Variants in MAML2 observed in about 807,000 individuals in gnomAD.
MAML2 encodes mastermind like transcriptional coactivator 2, also known as mastermind-like protein 2.
In MAML2, 22 loss-of-function variants were observed where a neutral mutation model predicts 96.1. That is an observed-to-expected ratio of 0.23 (90% CI 0.16 to 0.33). The LOEUF (loss-of-function observed/expected upper bound fraction) is 0.33, where lower values mean the gene tolerates loss of function less well. MAML2 is among the 10% of genes least tolerant of loss of function. The pLI is 1.00. For synonymous variants in MAML2, 561 were observed against 521.3 expected, an observed-to-expected ratio of 1.08 and a Z score of -1.04; for missense variants, 1,367 against 1,392.4, an observed-to-expected ratio of 0.98 and a Z score of 0.29.
intron 1 of MAML2, among the ~76,000 whole-genome samples, chr11:96,238,489 G>GTC (rs1373026133): frequency 2.0e-5 from 3 of 152,216 alleles, no homozygotes; most frequent in Admixed American, 2.0e-4. Flanking sequence ...AAACTTTGCT[G>GTC]TCTCTACTGC....
chr11:96,171,251 C>G (rs947740197), intron 1 of MAML2, among the ~76,000 whole-genome samples: 7 of 152,116 alleles, frequency 4.6e-5, no homozygotes, highest in African/African-American at 1.7e-4. Flanking sequence ...TCTTCATTGT[C>G]TGCGATTATT....
chr11:96,122,074 T>A (rs1198321902), intron 1 of MAML2, among the ~76,000 whole-genome samples: 1 of 146,312 alleles, frequency 6.8e-6, no homozygotes, highest in African/African-American at 2.5e-5. Context: ...CCTCCCAAAG[T>A]GCTCGGATTA....
chr11:96,313,926 T>C lies in MAML2; in HGVS notation c.513+27457A>G, dbSNP rs182176517. Reference sequence around the variant, plus strand: ...TATCAAGCACTCCAGGTGGTTCTGATGCCAGGTGAATCAGGTGATTTAAGT... The same window carrying C: ...TATCAAGCACTCCAGGTGGTTCTGACGCCAGGTGAATCAGGTGATTTAAGT... On this transcript the variant is annotated intron_variant, in intron 1 of 4. Coordinates refer to ENST00000524717, the MANE Select transcript of MAML2 (RefSeq NM_032427.4). Among the ~76,000 whole-genome samples the C allele has an allele frequency of 1.6e-3, 239 of 152,360 alleles. 1 individual carries two copies. The highest frequency in any genetic ancestry group is 5.5e-3 in the African/African-American group (229 of 41,588).
intron 2 of MAML2, among the ~76,000 whole-genome samples, chr11:96,084,754 A>G (rs1859581372): frequency 6.6e-6 from 1 of 152,228 alleles, no homozygotes; most frequent in African/African-American, 2.4e-5. Context: ...GCCAAAGACC[A>G]GAAAGTGCGA....
At chr11:95,996,172 A>G (rs928985578) in intron 2 of MAML2, among the ~76,000 whole-genome samples, 2 of 152,114 alleles carry the variant, frequency 1.3e-5, no homozygotes, top group African/African-American at 4.8e-5. Context: ...CTGAATGTCT[A>G]CTCTGTGCTA....
At chr11:96,094,948 T>G (rs1003523434) in intron 1 of MAML2, among the ~76,000 whole-genome samples, 3 of 152,214 alleles carry the variant, frequency 2.0e-5, no homozygotes, top group African/African-American at 7.2e-5. Context: ...TGAGTATATA[T>G]TACATATCAA....
chr11:96,015,616 G>T (rs1858337565), intron 2 of MAML2, among the ~76,000 whole-genome samples: 1 of 141,984 alleles, frequency 7.0e-6, no homozygotes, highest in African/African-American at 2.6e-5. Context: ...AGACATATTA[G>T]TGATGACCCA....
rs371588893 is a variant in MAML2, at chr11:95,998,137, T to A, written c.2140-6414A>T. 4.5e-4 allele frequency among the ~76,000 whole-genome samples: 57 copies of A among 125,970 alleles called. No individual in the cohort carries two copies. The East Asian group carries it at 5.2e-3, about 11-fold the overall frequency. The allele number at this position is 125,970 out of a possible 152,430, so 82.6% of individuals were successfully genotyped here. On this transcript the variant is annotated intron_variant, in intron 2 of 4. Transcript: ENST00000524717. The stretch of plus-strand genomic sequence containing the variant: ...TTTTCTATCTATCTGTCTGTCTGTC[T>A]GTCAGTCTGTCTGTCTGTCTGTCTG...
At chr11:96,007,290 C>G (rs528264853) in intron 2 of MAML2, among the ~76,000 whole-genome samples, 1 of 151,596 alleles carries the variant, frequency 6.6e-6, no homozygotes, top group Non-Finnish European at 1.5e-5. Flanking sequence ...GGATTACAGG[C>G]GTGAGCCACC....
intron 1 of MAML2, among the ~76,000 whole-genome samples, chr11:96,315,091 C>G (rs1263355032): frequency 6.6e-6 from 1 of 152,176 alleles, no homozygotes; most frequent in Non-Finnish European, 1.5e-5. Context: ...ACAACCTGGG[C>G]TGTTTTCCTT....
At chr11:96,290,610 T>C (rs1332052856) in intron 1 of MAML2, among the ~76,000 whole-genome samples, 2 of 152,166 alleles carry the variant, frequency 1.3e-5, no homozygotes, top group Admixed American at 6.6e-5. Context: ...TCCTTACAAA[T>C]CCTAATGAGA....
chr11:95,994,996 C>G (rs962212348), intron 2 of MAML2, among the ~76,000 whole-genome samples: 2 of 152,208 alleles, frequency 1.3e-5, no homozygotes, highest in Admixed American at 6.5e-5. Flanking sequence ...GAAATAATAA[C>G]AGTATGGATG....
chr11:96,071,366 G>A (rs1859341896), intron 2 of MAML2, among the ~76,000 whole-genome samples: 1 of 152,248 alleles, frequency 6.6e-6, no homozygotes. Context: ...AGAGCTGTGT[G>A]GAAAATGAAA....
chr11:96,176,788 C>T (rs985685456), intron 1 of MAML2, among the ~76,000 whole-genome samples: 1 of 152,114 alleles, frequency 6.6e-6, no homozygotes, highest in Non-Finnish European at 1.5e-5. Context: ...ATGTCAGGCA[C>T]TTTAATCTTT....
chr11:96,290,050 C>T (rs485842), intron 1 of MAML2, among the ~76,000 whole-genome samples: 40,150 of 151,998 alleles, frequency 0.26, 5,403 homozygotes, highest in East Asian at 0.32. Flanking sequence ...CTTTGTTAGC[C>T]GTTGGCAGAG....
chr11:96,180,910 G>T (rs1360400861), intron 1 of MAML2, among the ~76,000 whole-genome samples: 1 of 151,598 alleles, frequency 6.6e-6, no homozygotes, highest in Non-Finnish European at 1.5e-5. Context: ...AGTCAAAGGG[G>T]GTTTGTTCTC....
At chr11:96,033,654 G>A (rs546218490) in intron 2 of MAML2, among the ~76,000 whole-genome samples, 1 of 152,302 alleles carries the variant, frequency 6.6e-6, no homozygotes, top group Admixed American at 6.5e-5. Context: ...ATTGACTCTT[G>A]GGGTGAAAGT....
At position 96,163,070 on chromosome 11, in the gene MAML2, T is replaced by C. The variant is rs148186541; in HGVS notation, c.514-69553A>G. ...AAGACTTCATTACTCACATTACTCC[T>C]ATGCCAAGCAAACTTCACGGGCTTC... On this transcript the variant is annotated intron_variant, in intron 1 of 4. Transcript: ENST00000524717. Among the ~76,000 whole-genome samples, 228 of 152,338 alleles carry C rather than the reference T, an allele frequency of 1.5e-3. 1 individual carries two copies. The highest frequency in any genetic ancestry group is 6.8e-3 in the Middle Eastern group (2 of 294).
intron 1 of MAML2, among the ~76,000 whole-genome samples, chr11:96,189,879 T>C (rs1413738152): frequency 6.6e-6 from 1 of 152,214 alleles, no homozygotes; most frequent in Admixed American, 6.5e-5. Flanking sequence ...TTCTAAAATA[T>C]TGAAGAGGAC....
Sources: allele counts gnomAD v4.1 joint callset (sites outside exome capture counted in the v4.1 genomes callset), GRCh38; gene constraint gnomAD v4.1.1; transcripts MANE v1.5; gene names NCBI Gene and HGNC (gene_info 2026-07-23, HGNC 2026-07-21).